Variants in TAFA1 observed in about 807,000 individuals in gnomAD.
TAFA1 encodes chemokine-like protein TAFA-1.
TAFA1 carries 4 observed loss-of-function variants against 18.5 expected under a neutral mutation model. That is an observed-to-expected ratio of 0.22 (90% CI 0.11 to 0.49). TAFA1 has a LOEUF of 0.49. Ranked by LOEUF, TAFA1 falls within the 20% of genes least tolerant of loss-of-function variation. The probability of loss-of-function intolerance (pLI) is 0.98; values close to 1 mark genes in which losing one functional copy is unlikely to be tolerated. For synonymous variants in TAFA1, 56 were observed against 55.2 expected (o/e 1.01, Z -0.06); for missense variants, 147 against 169.0 (o/e 0.87, Z 0.72).
chr3:68,530,363 TA>T (rs1423500736), intron 3 of TAFA1, among the ~76,000 whole-genome samples: 3 of 152,248 alleles, frequency 2.0e-5, no homozygotes, highest in Admixed American at 2.0e-4. Flanking sequence ...ATTCTCCTTT[TA>T]CAGCCTCTCT....
rs185237233 is a variant in TAFA1, at chr3:68,123,785, T to A, written c.118+117041T>A. 2.0e-5 allele frequency among the ~76,000 whole-genome samples: 3 copies of A among 148,588 alleles called. No individual in the cohort carries two copies. In the Admixed American group the frequency reaches 2.1e-4, roughly 10 times the overall value. On this transcript the variant is annotated intron_variant, in intron 2 of 4. Coordinates refer to ENST00000478136, the MANE Select transcript of TAFA1 (RefSeq NM_213609.4). ...ATAATAAACTGGTTATTTGTCCCAC[T>A]GCAATAAGCCACTTTTGCTTTCTGT...
chr3:68,253,855 C>A (rs2067242462), intron 2 of TAFA1, among the ~76,000 whole-genome samples: 1 of 152,126 alleles, frequency 6.6e-6, no homozygotes, highest in Non-Finnish European at 1.5e-5. Flanking sequence ...TGTGCCCCTT[C>A]TAATACAGGT....
At chr3:68,356,812 C>T (rs2069375442) in intron 2 of TAFA1, among the ~76,000 whole-genome samples, 1 of 151,892 alleles carries the variant, frequency 6.6e-6, no homozygotes, top group South Asian at 2.1e-4. Flanking sequence ...ATATATTGTG[C>T]TAAACACATG....
At chr3:68,034,256 CT>C (rs1704999016) in intron 2 of TAFA1, among the ~76,000 whole-genome samples, 1 of 152,146 alleles carries the variant, frequency 6.6e-6, no homozygotes, top group African/African-American at 2.4e-5. Context: ...CTATAGGATG[CT>C]GTTAACTATG....
intron 2 of TAFA1, among the ~76,000 whole-genome samples, chr3:68,023,879 T>G (rs76308108): frequency 0.018 from 2,699 of 152,264 alleles, 99 homozygotes; most frequent in African/African-American, 0.062. Context: ...TATGGAACTT[T>G]CTTTCCTTTT....
chr3:68,305,423 A>C (rs1239315563), intron 2 of TAFA1, among the ~76,000 whole-genome samples: 1 of 94,322 alleles, frequency 1.1e-5, no homozygotes, highest in Non-Finnish European at 2.2e-5. Flanking sequence ...ATATATATAT[A>C]TATATATATA....
intron 2 of TAFA1, among the ~76,000 whole-genome samples, chr3:68,238,771 C>T (rs2066961096): frequency 6.6e-6 from 1 of 152,124 alleles, no homozygotes; most frequent in South Asian, 2.1e-4. Context: ...TAGTTCTCTT[C>T]TCTCCATAGC....
intron 2 of TAFA1, among the ~76,000 whole-genome samples, chr3:68,196,567 A>T (rs1268250010): frequency 6.6e-6 from 1 of 151,796 alleles, no homozygotes; most frequent in East Asian, 1.9e-4. Context: ...AAAGCCCCAG[A>T]GTATTGCATA....
At chr3:68,438,068 C>T (rs1575866548) in intron 3 of TAFA1, among the ~76,000 whole-genome samples, 1 of 152,208 alleles carries the variant, frequency 6.6e-6, no homozygotes, top group East Asian at 1.9e-4. Context: ...AGTAATAAGA[C>T]TCCAGATTAG....
chr3:68,537,489 G>A (rs1201411228), intron 3 of TAFA1, among the ~76,000 whole-genome samples: 2 of 152,180 alleles, frequency 1.3e-5, no homozygotes, highest in Admixed American at 6.5e-5. Context: ...GGCTAGCAAC[G>A]TTGGTCTCAC....
At chr3:68,531,275 G>A (rs2175517) in intron 3 of TAFA1, among the ~76,000 whole-genome samples, 26,358 of 152,102 alleles carry the variant, frequency 0.17, 3,066 homozygotes, top group East Asian at 0.43. Flanking sequence ...GAATTTGACC[G>A]AATGACTTAA....
intron 2 of TAFA1, among the ~76,000 whole-genome samples, chr3:68,073,694 TTA>T (rs1378915351): frequency 2.6e-5 from 4 of 152,170 alleles, no homozygotes; most frequent in African/African-American, 9.7e-5. Context: ...TGTATATTAG[TTA>T]TACTGGTGGT....
chr3:68,517,494 G>T (rs1244610470), intron 3 of TAFA1, among the ~76,000 whole-genome samples: 1 of 152,174 alleles, frequency 6.6e-6, no homozygotes, highest in African/African-American at 2.4e-5. Context: ...TGACCTGGGT[G>T]CAGGGAAAGC....
intron 2 of TAFA1, among the ~76,000 whole-genome samples, chr3:68,207,635 G>T (rs746135132): frequency 1.3e-5 from 2 of 151,848 alleles, no homozygotes; most frequent in Non-Finnish European, 2.9e-5. Context: ...TACCAAATGA[G>T]CATTGACACA....
intron 3 of TAFA1, among the ~76,000 whole-genome samples, chr3:68,430,761 C>A (rs930851001): frequency 6.6e-6 from 1 of 151,992 alleles, no homozygotes; most frequent in Non-Finnish European, 1.5e-5. Flanking sequence ...ATGTCTCATT[C>A]ACTCTCTACT....
At chr3:68,465,205 A>C (rs1360122496) in intron 3 of TAFA1, among the ~76,000 whole-genome samples, 1 of 152,200 alleles carries the variant, frequency 6.6e-6, no homozygotes, top group Non-Finnish European at 1.5e-5. Flanking sequence ...TAGAGATAAC[A>C]GAGATCCTCT....
At chr3:68,370,487 T>C (rs1463779058) in intron 2 of TAFA1, among the ~76,000 whole-genome samples, 1 of 89,620 alleles carries the variant, frequency 1.1e-5, no homozygotes. Context: ...TATATATATA[T>C]ATATATATAT....
chr3:68,210,382 C>A (rs959974703), intron 2 of TAFA1, among the ~76,000 whole-genome samples: 4 of 151,992 alleles, frequency 2.6e-5, no homozygotes, highest in Non-Finnish European at 4.4e-5. Flanking sequence ...TACACATAAG[C>A]TCTTGTGATC....
chr3:68,120,035 T>C (rs1275104835), intron 2 of TAFA1, among the ~76,000 whole-genome samples: 3 of 152,190 alleles, frequency 2.0e-5, no homozygotes, highest in Admixed American at 6.5e-5. Flanking sequence ...ATGAAATCCT[T>C]AAAAGTCAGA....
Sources: gnomAD v4.1 joint callset for allele counts (sites outside exome capture counted in the v4.1 genomes callset) on GRCh38, gnomAD v4.1.1 for gene constraint, MANE v1.5 for transcripts, NCBI Gene and HGNC (gene_info 2026-07-23, HGNC 2026-07-21) for gene names.